The following RASA3 variants were observed in gnomAD, a reference collection of about 807,000 sequenced individuals.
RASA3 encodes ras GTPase-activating protein 3.
In RASA3, 73 loss-of-function variants were observed where a neutral mutation model predicts 110.0. The observed-to-expected ratio is 0.66, with a 90% CI of 0.55 to 0.81. The LOEUF (loss-of-function observed/expected upper bound fraction) is 0.81. Ranked by LOEUF, RASA3 falls within the 30% of genes least tolerant of loss-of-function variation. The probability of loss-of-function intolerance (pLI) is 0.00; values close to 1 mark genes in which losing one functional copy is unlikely to be tolerated. For synonymous variants in RASA3, 500 were observed against 451.4 expected, an observed-to-expected ratio of 1.11 and a Z score of -1.37; for missense variants, 976 against 1,113.2, an observed-to-expected ratio of 0.88 and a Z score of 1.75.
intron 3 of RASA3, among the ~76,000 whole-genome samples, chr13:114,051,682 G>A (rs554855900): frequency 7.0e-6 from 1 of 142,676 alleles, no homozygotes; most frequent in South Asian, 2.5e-4. Context: ...AGTTGGGACA[G>A]GGACAGCCAA....
intron 3 of RASA3, among the ~76,000 whole-genome samples, chr13:114,042,250 A>G (rs1304623030): frequency 6.7e-6 from 1 of 148,216 alleles, no homozygotes; most frequent in Admixed American, 6.7e-5. Flanking sequence ...GCGTCCCTTC[A>G]TGGCACCACC....
chr13:114,102,815 A>T (rs2080077194), intron 1 of RASA3, among the ~76,000 whole-genome samples: 1 of 152,174 alleles, frequency 6.6e-6, no homozygotes, highest in Non-Finnish European at 1.5e-5. Flanking sequence ...AAGCCTGTGG[A>T]GGCTGGAGTC....
chr13:114,026,575 C>T (rs944850174), intron 7 of RASA3, among the ~76,000 whole-genome samples: 1 of 152,194 alleles, frequency 6.6e-6, no homozygotes, highest in African/African-American at 2.4e-5. Context: ...GACCCACTGA[C>T]CGGTAGGTCC....
At chr13:114,109,175 G>A (rs995833141) in intron 1 of RASA3, among the ~76,000 whole-genome samples, 1 of 152,166 alleles carries the variant, frequency 6.6e-6, no homozygotes, top group Non-Finnish European at 1.5e-5. Flanking sequence ...GACCGGCTCC[G>A]TGACCGTCAC....
At chr13:114,081,645 A>G (rs1237415382) in intron 1 of RASA3, among the ~76,000 whole-genome samples, 1 of 152,244 alleles carries the variant, frequency 6.6e-6, no homozygotes, top group African/African-American at 2.4e-5. Flanking sequence ...AGGCGATTGC[A>G]GACAGGGGAC....
At chr13:114,012,778 CCA>C (rs1283513230) in intron 15 of RASA3, among the ~76,000 whole-genome samples, 1 of 123,064 alleles carries the variant, frequency 8.1e-6, no homozygotes, top group African/African-American at 3.3e-5. Context: ...CACATGCCTT[CCA>C]CACTCCCCAC....
chr13:113,996,375 C>T (rs369442043), intron 21 of RASA3, among the ~76,000 whole-genome samples, 156 bp downstream of exon 21: 1 of 152,170 alleles, frequency 6.6e-6, no homozygotes, highest in Admixed American at 6.5e-5. Flanking sequence ...CGAGGGAGGA[C>T]CCCTCGGGTG....
chr13:113,992,426 G>A (rs1453892936), intron 22 of RASA3, 59 bp downstream of exon 22: 3 of 1,390,876 alleles, frequency 2.2e-6, no homozygotes, highest in South Asian at 1.2e-5. Flanking sequence ...ATGCTCCTGA[G>A]GCCGGGGCCT....
In RASA3 at chr13:114,009,472, G is replaced by A; in HGVS notation, c.1591-8C>T. ...GGACTCCTTAAAACTCGCCTAAAAT[G>A]AAACGGAGATCACTCGAGGACAGCC... On this transcript the variant is annotated splice_polypyrimidine_tract_variant and splice_region_variant and intron_variant, in intron 16 of 23. Coordinates refer to ENST00000334062, the MANE Select transcript of RASA3 (RefSeq NM_007368.4). The A allele has an allele frequency of 6.3e-7, 1 of 1,596,338 alleles. No homozygotes were observed. Among genetic ancestry groups the A allele is most frequent in the Middle Eastern group, 1.7e-4 (1 of 6,036 alleles).
intron 1 of RASA3, among the ~76,000 whole-genome samples, chr13:114,098,955 G>A (rs533675202): frequency 1.2e-3 from 179 of 151,174 alleles, no homozygotes; most frequent in Non-Finnish European, 1.9e-3. Flanking sequence ...GTCGGGGCCC[G>A]GCCACCCGAG....
chr13:114,000,769 A>C, intron 19 of RASA3, 57 bp downstream of exon 19: 1 of 1,284,286 alleles, frequency 7.8e-7, no homozygotes, highest in Non-Finnish European at 1.1e-6. Context: ...AAGCAGACTC[A>C]GTCCCAGGGC....
intron 1 of RASA3, among the ~76,000 whole-genome samples, chr13:114,099,507 C>T (rs1361419481): frequency 2.0e-5 from 3 of 151,772 alleles, no homozygotes; most frequent in East Asian, 3.9e-4. Flanking sequence ...GCTTCTCAGA[C>T]CTGTGTTCAC....
At chr13:113,983,111 G>A (rs573635167) in intron 22 of RASA3, among the ~76,000 whole-genome samples, 2 of 146,750 alleles carry the variant, frequency 1.4e-5, no homozygotes, top group African/African-American at 2.5e-5. Flanking sequence ...GGTGCAGAGC[G>A]GAAAAGGCAT....
intron 21 of RASA3, among the ~76,000 whole-genome samples, chr13:113,995,389 C>T (rs2053208732): frequency 6.6e-6 from 1 of 152,264 alleles, no homozygotes; most frequent in South Asian, 2.1e-4. Flanking sequence ...TCTAAGGTCC[C>T]ACCTCTGAGG....
At chr13:114,007,688 G>A (rs578182230) in intron 17 of RASA3, 82 bp from the exon 18 acceptor site, 74 of 1,158,876 alleles carry the variant, frequency 6.4e-5, no homozygotes, top group South Asian at 2.8e-4. Flanking sequence ...CAGCGTCGGC[G>A]GCTACTGCCT....
intron 1 of RASA3, among the ~76,000 whole-genome samples, chr13:114,099,489 T>C (rs1384177733): frequency 6.6e-6 from 1 of 151,774 alleles, no homozygotes; most frequent in Non-Finnish European, 1.5e-5. Flanking sequence ...CTCAGGCCTC[T>C]GGTCAGCGCT....
At position 114,018,161 on chromosome 13, in the gene RASA3, T is replaced by C. The variant is rs1407089664; in HGVS notation, c.1034A>G (p.Tyr345Cys). The C allele has an allele frequency of 1.3e-5, 20 of 1,550,810 alleles. No individual in the cohort carries two copies. The South Asian group carries it at 1.5e-4, about 12-fold the overall frequency. ...ACTGATGAATGGCACCACCCTGCCATAGTGTAGGAAGAGCCGCACCAGCGG... is the reference window on the plus strand; with the variant it reads ...ACTGATGAATGGCACCACCCTGCCACAGTGTAGGAAGAGCCGCACCAGCGG... ...AVPLVRLFLHYGRVVPFISAI... is the reference protein window; with the variant it reads ...AVPLVRLFLHCGRVVPFISAI... The change falls in exon 11 of 24, where the codon TAT becomes TGT. Residue 345 changes from tyrosine (Y) to cysteine (C), a missense_variant. Physicochemically the swap from Tyr to Cys is radical, Grantham distance 194. Transcript: ENST00000334062.
chr13:114,043,548 G>C (rs1387799723), intron 3 of RASA3, among the ~76,000 whole-genome samples: 1 of 152,120 alleles, frequency 6.6e-6, no homozygotes, highest in African/African-American at 2.4e-5. Flanking sequence ...CCTAAGATCA[G>C]CCTGGTGACC....
intron 1 of RASA3, chr13:114,077,800 T>C (rs2139684987): frequency 2.0e-6 from 2 of 982,014 alleles, no homozygotes; most frequent in Middle Eastern, 1.1e-3. Flanking sequence ...GCCCCGTCTT[T>C]ACCTCCTTCT....
Sources: allele counts gnomAD v4.1 joint callset (sites outside exome capture counted in the v4.1 genomes callset), GRCh38; gene constraint gnomAD v4.1.1; transcripts MANE v1.5; gene names NCBI Gene and HGNC (gene_info 2026-07-23, HGNC 2026-07-21).